NKAIN3: variants seen among roughly 807,000 people sequenced by gnomAD.
The protein encoded by NKAIN3 is sodium/potassium transporting ATPase interacting 3.
Under a neutral mutation model 30.2 loss-of-function variants are expected in NKAIN3, and 25 were observed. That is an observed-to-expected ratio of 0.83 (90% CI 0.60 to 1.16). The LOEUF (loss-of-function observed/expected upper bound fraction) is 1.16. Among genes scored for constraint, NKAIN3 ranks in the 50% most tolerant of loss-of-function variants. The probability of loss-of-function intolerance (pLI) is 0.00; values close to 1 mark genes in which losing one functional copy is unlikely to be tolerated. For missense variants in NKAIN3, 225 were observed against 254.1 expected, an observed-to-expected ratio of 0.89 and a Z score of 0.78; for synonymous variants, 91 against 89.6, an observed-to-expected ratio of 1.02 and a Z score of -0.09.
At chr8:62,350,474 G>A (rs1816145840) in intron 1 of NKAIN3, among the ~76,000 whole-genome samples, 1 of 152,070 alleles carries the variant, frequency 6.6e-6, no homozygotes, top group Non-Finnish European at 1.5e-5. Context: ...AGGGGTGAAT[G>A]GGAAGTTATT....
At chr8:62,391,188 T>C (rs1037299907) in intron 1 of NKAIN3, among the ~76,000 whole-genome samples, 1 of 152,104 alleles carries the variant, frequency 6.6e-6, no homozygotes, top group Non-Finnish European at 1.5e-5. Flanking sequence ...ATGCAAAAAA[T>C]AACTTAAGAT....
chr8:62,413,875 G>T (rs985419885), intron 1 of NKAIN3, among the ~76,000 whole-genome samples: 1 of 151,698 alleles, frequency 6.6e-6, no homozygotes, highest in African/African-American at 2.4e-5. Context: ...TAATTTTATT[G>T]CCATATGCTT....
At chr8:62,750,629 G>T (rs930894602) in intron 4 of NKAIN3, among the ~76,000 whole-genome samples, 8 of 152,144 alleles carry the variant, frequency 5.3e-5, no homozygotes, top group African/African-American at 1.9e-4. Context: ...CCGGCTCTCA[G>T]GCTGAGAACG....
chr8:62,878,666 C>T, intron 4 of NKAIN3, among the ~76,000 whole-genome samples: 1 of 107,928 alleles, frequency 9.3e-6, no homozygotes, highest in Non-Finnish European at 1.7e-5. Context: ...TTTCCCCTCC[C>T]CCCACCCCAC....
At chr8:62,662,737 T>C (rs1812984177) in intron 3 of NKAIN3, among the ~76,000 whole-genome samples, 1 of 152,232 alleles carries the variant, frequency 6.6e-6, no homozygotes, top group Admixed American at 6.5e-5. Flanking sequence ...TTGGTTGATG[T>C]ATTTAAGCAA....
At position 62,864,042 on chromosome 8, in the gene NKAIN3, C is replaced by T. The variant is rs939798003; in HGVS notation, c.472-54411C>T. 4 of 700,744 alleles carry T rather than the reference C, an allele frequency of 5.7e-6. No individual in the cohort carries two copies. The Admixed American group carries it at 8.6e-5, about 15-fold the overall frequency. The allele number at this position is 700,744 out of a possible 1,614,324, so 43.4% of individuals were successfully genotyped here. On this transcript the variant is annotated intron_variant, in intron 4 of 6. Transcript: ENST00000623646. ...GGTGTTTCTCTCTTTTCGGCCTCCG[C>T]TTTTGGGCCTGAATGGGCAACACTT...
intron 3 of NKAIN3, among the ~76,000 whole-genome samples, chr8:62,619,370 G>T (rs944233784): frequency 6.6e-6 from 1 of 152,156 alleles, no homozygotes; most frequent in African/African-American, 2.4e-5. Context: ...AGCTTCATCT[G>T]CATGATAAAA....
chr8:62,607,801 A>G (rs1306442392), intron 3 of NKAIN3, among the ~76,000 whole-genome samples: 1 of 152,166 alleles, frequency 6.6e-6, no homozygotes, highest in African/African-American at 2.4e-5. Flanking sequence ...TATTTATAAA[A>G]TACTGTGTCT....
chr8:62,345,081 T>C (rs1490461534), intron 1 of NKAIN3, among the ~76,000 whole-genome samples: 1 of 151,796 alleles, frequency 6.6e-6, no homozygotes, highest in African/African-American at 2.4e-5. Context: ...GGAAATGGGA[T>C]TGCTTTCTTG....
intron 3 of NKAIN3, among the ~76,000 whole-genome samples, chr8:62,657,143 A>G (rs1168726533): frequency 6.6e-6 from 1 of 152,204 alleles, no homozygotes; most frequent in Non-Finnish European, 1.5e-5. Context: ...CTGCCTATAT[A>G]TGGAATTCTA....
chr8:62,254,645 G>A (rs1247209500), intron 1 of NKAIN3, among the ~76,000 whole-genome samples: 1 of 151,730 alleles, frequency 6.6e-6, no homozygotes, highest in Non-Finnish European at 1.5e-5. Context: ...TTTCTGAGAG[G>A]TTAAGAGCAA....
chr8:62,294,036 C>T (rs571564416), intron 1 of NKAIN3, among the ~76,000 whole-genome samples: 10 of 152,208 alleles, frequency 6.6e-5, no homozygotes, highest in Admixed American at 1.3e-4. Context: ...CCCTTCGAGT[C>T]AGGCACGGGA....
rs148738613 is a variant in NKAIN3 at position 62,652,419 on chromosome 8, G to A, written c.273+62625G>A. Among the ~76,000 whole-genome samples the A allele has an allele frequency of 1.6e-3, 240 of 152,256 alleles. 1 individual carries two copies. Among genetic ancestry groups the A allele is most frequent in the African/African-American group, 4.4e-3 (183 of 41,550 alleles). On this transcript the variant is annotated intron_variant, in intron 3 of 6. Transcript: ENST00000623646. ...CCCACACTGGCTGGCTTGTGGCTTG[G>A]CTGAAGCACTGCCAGACATAGGTGC...
At chr8:62,869,023 A>G (rs76852240) in intron 4 of NKAIN3, among the ~76,000 whole-genome samples, 273 of 152,266 alleles carry the variant, frequency 1.8e-3, no homozygotes, top group Middle Eastern at 6.8e-3. Flanking sequence ...AATGGGCCTG[A>G]TAATCGCAAC....
chr8:62,472,880 G>A (rs1585846720), intron 1 of NKAIN3, among the ~76,000 whole-genome samples: 1 of 152,188 alleles, frequency 6.6e-6, no homozygotes. Context: ...GATCCGCAGT[G>A]CAGGCAAGGT....
intron 1 of NKAIN3, among the ~76,000 whole-genome samples, chr8:62,281,795 A>G (rs1002552463): frequency 1.1e-4 from 16 of 152,154 alleles, no homozygotes; most frequent in Non-Finnish European, 2.2e-4. Flanking sequence ...ATCCAGATAT[A>G]TTATAGTGTG....
At chr8:62,624,179 A>G (rs975549959) in intron 3 of NKAIN3, among the ~76,000 whole-genome samples, 2 of 152,104 alleles carry the variant, frequency 1.3e-5, no homozygotes, top group African/African-American at 4.8e-5. Flanking sequence ...AGTTTGGGCC[A>G]ACTCCTTTAC....
chr8:62,726,380 C>T (rs1240874443), intron 3 of NKAIN3, among the ~76,000 whole-genome samples: 1 of 151,988 alleles, frequency 6.6e-6, no homozygotes, highest in Non-Finnish European at 1.5e-5. Context: ...CCAGATCTTA[C>T]AAGAAAGGCT....
At chr8:62,442,893 C>T (rs544163773) in intron 1 of NKAIN3, among the ~76,000 whole-genome samples, 1 of 151,868 alleles carries the variant, frequency 6.6e-6, no homozygotes, top group South Asian at 2.1e-4. Flanking sequence ...TAACTATTTT[C>T]TTCATTGATC....
Sources: gnomAD v4.1 joint callset for allele counts (sites outside exome capture counted in the v4.1 genomes callset) on GRCh38, gnomAD v4.1.1 for gene constraint, MANE v1.5 for transcripts, NCBI Gene and HGNC (gene_info 2026-07-23, HGNC 2026-07-21) for gene names.